SH3RF2: variants seen among roughly 807,000 people sequenced by gnomAD.
The protein encoded by SH3RF2 is E3 ubiquitin-protein ligase SH3RF2.
A neutral mutation model predicts 59.0 loss-of-function variants in SH3RF2; 43 were observed. The ratio of observed to expected loss-of-function variants is 0.73; its 90% CI spans 0.57 to 0.94. The LOEUF (loss-of-function observed/expected upper bound fraction) is 0.94, where lower values mean the gene tolerates loss of function less well. SH3RF2 is among the 40% of genes least tolerant of loss of function. The pLI is 0.00. For synonymous variants in SH3RF2, 391 were observed against 391.5 expected (o/e 1.00, Z 0.01); for missense variants, 930 against 940.1 (o/e 0.99, Z 0.14).
intron 5 of SH3RF2, among the ~76,000 whole-genome samples, chr5:146,045,099 A>G (rs11167929): frequency 0.34 from 51,959 of 152,142 alleles, 9,258 homozygotes; most frequent in Non-Finnish European, 0.39. Context: ...AGTCCATCCC[A>G]TTTAATCAGT....
chr5:146,076,314 G>C (rs1191139436), intron 9 of SH3RF2, among the ~76,000 whole-genome samples: 2 of 152,068 alleles, frequency 1.3e-5, no homozygotes, highest in East Asian at 1.9e-4. Context: ...AGATCAAAGC[G>C]GCCATCTCTG....
At chr5:146,024,643 A>G (rs1485030458) in intron 5 of SH3RF2, among the ~76,000 whole-genome samples, 1 of 151,982 alleles carries the variant, frequency 6.6e-6, no homozygotes, top group Non-Finnish European at 1.5e-5. Context: ...ATTCATAAGT[A>G]TTTATCACTG....
At chr5:146,006,289 T>C (rs1312552390) in intron 4 of SH3RF2, among the ~76,000 whole-genome samples, 1 of 152,008 alleles carries the variant, frequency 6.6e-6, no homozygotes, top group Non-Finnish European at 1.5e-5. Flanking sequence ...CCAGGCATGG[T>C]GGCCCACAAT....
chr5:146,074,091 G>A (rs968677000), intron 9 of SH3RF2, among the ~76,000 whole-genome samples: 9 of 142,722 alleles, frequency 6.3e-5, no homozygotes, highest in African/African-American at 1.4e-4. Context: ...CCAGGCTGGA[G>A]TACAGAGGCG....
chr5:145,959,188 C>G (rs950312911), intron 2 of SH3RF2, among the ~76,000 whole-genome samples: 14 of 152,192 alleles, frequency 9.2e-5, no homozygotes, highest in Non-Finnish European at 2.1e-4. Context: ...ACTTTTTATG[C>G]AACCATTTGC....
At chr5:145,942,906 G>A (rs1757872842) in intron 2 of SH3RF2, among the ~76,000 whole-genome samples, 1 of 152,100 alleles carries the variant, frequency 6.6e-6, no homozygotes, top group Non-Finnish European at 1.5e-5. Context: ...GGCTGTATTT[G>A]TGCCAGGATT....
intron 2 of SH3RF2, among the ~76,000 whole-genome samples, chr5:145,961,215 A>G (rs1758618267): frequency 7.6e-6 from 1 of 131,460 alleles, no homozygotes; most frequent in Non-Finnish European, 1.5e-5. Context: ...TGTCAACTCC[A>G]AAGAGTTTGT....
At chr5:146,050,736 A>T (rs143294897) in intron 7 of SH3RF2, among the ~76,000 whole-genome samples, 1 of 152,224 alleles carries the variant, frequency 6.6e-6, no homozygotes, top group African/African-American at 2.4e-5. Flanking sequence ...TAAAACCAAG[A>T]TATTTAAGTA....
At chr5:146,048,199 T>C (rs7731226) in intron 6 of SH3RF2, among the ~76,000 whole-genome samples, 3,180 of 151,820 alleles carry the variant, frequency 0.021, 42 homozygotes, top group South Asian at 0.044. Context: ...TATATTTTCC[T>C]AGCTACTTAG....
chr5:146,021,605 T>A (rs142472687), intron 5 of SH3RF2, among the ~76,000 whole-genome samples: 1 of 152,292 alleles, frequency 6.6e-6, no homozygotes, highest in Admixed American at 6.5e-5. Flanking sequence ...ACCCACTGGG[T>A]AAATATAACC....
intron 5 of SH3RF2, among the ~76,000 whole-genome samples, chr5:146,015,951 T>G (rs1014623626): frequency 1.3e-5 from 2 of 152,170 alleles, no homozygotes; most frequent in African/African-American, 4.8e-5. Flanking sequence ...AGCAGAAAGT[T>G]GAACAAATGG....
At chr5:145,944,925 A>G (rs895509045) in intron 2 of SH3RF2, among the ~76,000 whole-genome samples, 2 of 152,170 alleles carry the variant, frequency 1.3e-5, no homozygotes, top group Non-Finnish European at 2.9e-5. Context: ...TTTAGTTCCT[A>G]CCAGTTTTCA....
At position 146,047,823 on chromosome 5, in the gene SH3RF2, G is replaced by T; in HGVS notation, c.1111G>T (p.Val371Phe). Reference sequence around the variant, plus strand: ...CTCTCCAGGACATTCCACAGCCGTGGTCAGTCTGCCTGGCTCCCAGCAACA... The same window carrying T: ...CTCTCCAGGACATTCCACAGCCGTGTTCAGTCTGCCTGGCTCCCAGCAACA... ...PVSPGHSTAVVSLPGSQQHLS... is the reference protein window; with the variant it reads ...PVSPGHSTAVFSLPGSQQHLS... Residue 371 changes from valine to phenylalanine, a missense_variant, in exon 6 of 10, where the codon GTC (valine) becomes TTC (phenylalanine). By Grantham distance (50) the Val-to-Phe change is conservative. Coordinates refer to ENST00000359120, the MANE Select transcript of SH3RF2 (RefSeq NM_152550.4). 1 of 1,614,096 alleles carries T rather than the reference G, an allele frequency of 6.2e-7. No individual in the cohort carries two copies. The highest frequency in any genetic ancestry group is 8.5e-7 in the Non-Finnish European group (1 of 1,180,030).
At chr5:145,950,847 G>A (rs58161560) in intron 2 of SH3RF2, among the ~76,000 whole-genome samples, 2,982 of 152,284 alleles carry the variant, frequency 0.02, 105 homozygotes, top group African/African-American at 0.066. Context: ...CATTGTAGGT[G>A]AGGAAAAATA....
chr5:146,018,763 TC>T (rs1274374127), intron 5 of SH3RF2, among the ~76,000 whole-genome samples: 2 of 152,172 alleles, frequency 1.3e-5, no homozygotes, highest in African/African-American at 4.8e-5. Context: ...GTTTAAGCGC[TC>T]CCTTTTCACC....
chr5:145,996,355 C>T (rs917237404), intron 2 of SH3RF2, among the ~76,000 whole-genome samples: 1 of 152,192 alleles, frequency 6.6e-6, no homozygotes, highest in African/African-American at 2.4e-5. Flanking sequence ...GACTGAAGCA[C>T]TTCCTCTTAG....
chr5:145,969,705 A>G (rs569039500), intron 2 of SH3RF2, among the ~76,000 whole-genome samples: 117 of 152,154 alleles, frequency 7.7e-4, no homozygotes, highest in Non-Finnish European at 1.5e-3. Flanking sequence ...ACTGCACTCC[A>G]GCCTAGATGA....
intron 2 of SH3RF2, among the ~76,000 whole-genome samples, chr5:145,949,120 G>A (rs548152279): frequency 1.3e-5 from 2 of 152,134 alleles, no homozygotes; most frequent in Non-Finnish European, 2.9e-5. Context: ...TTGTTGATGA[G>A]GGTGTTGCTT....
intron 5 of SH3RF2, among the ~76,000 whole-genome samples, chr5:146,035,847 G>A (rs1039946960): frequency 1.3e-5 from 2 of 152,166 alleles, no homozygotes; most frequent in African/African-American, 4.8e-5. Context: ...GCCTGGGGTA[G>A]GACAGATAGT....
Sources: allele counts gnomAD v4.1 joint callset (sites outside exome capture counted in the v4.1 genomes callset), GRCh38; gene constraint gnomAD v4.1.1; transcripts MANE v1.5; gene names NCBI Gene and HGNC (gene_info 2026-07-23, HGNC 2026-07-21).